Variants in SYT14 observed in about 807,000 individuals in gnomAD.
SYT14 encodes synaptotagmin-14.
SYT14 carries 32 observed loss-of-function variants against 74.2 expected under a neutral mutation model. The ratio of observed to expected loss-of-function variants is 0.43; its 90% CI spans 0.33 to 0.58. SYT14 has a LOEUF of 0.58. Ranked by LOEUF, SYT14 falls within the 20% of genes least tolerant of loss-of-function variation. The pLI is 0.05. For missense variants in SYT14, 791 were observed against 981.8 expected (o/e 0.81, Z 2.60); for synonymous variants, 298 against 337.7 (o/e 0.88, Z 1.29).
chr1:210,054,965 G>A (rs140783279), intron 5 of SYT14, among the ~76,000 whole-genome samples: 2 of 152,130 alleles, frequency 1.3e-5, no homozygotes. Context: ...ACAGTTTGGG[G>A]TGGGAGTGTT....
intron 5 of SYT14, among the ~76,000 whole-genome samples, chr1:210,041,628 A>G (rs2102345876): frequency 6.6e-6 from 1 of 152,294 alleles, no homozygotes; most frequent in South Asian, 2.1e-4. Flanking sequence ...TTATCTAGAA[A>G]GGGGGAATAT....
At chr1:210,052,703 C>T (rs1477671772) in intron 5 of SYT14, among the ~76,000 whole-genome samples, 1 of 106,822 alleles carries the variant, frequency 9.4e-6, no homozygotes, top group Non-Finnish European at 1.9e-5. Context: ...AGCACAGAAA[C>T]AACGGCATTC....
exon 10 of SYT14, chr1:210,171,345 A>G (rs2083525088): frequency 6.6e-6 from 1 of 151,906 alleles, no homozygotes; most frequent in South Asian, 2.1e-4. Flanking sequence ...CCTTAGTTCC[A>G]TAAATTATCC....
At chr1:210,154,727 A>G (rs2083234568) in intron 7 of SYT14, among the ~76,000 whole-genome samples, 2 of 152,174 alleles carry the variant, frequency 1.3e-5, no homozygotes, top group Admixed American at 6.5e-5. Flanking sequence ...AAATATAGAT[A>G]TTTTATTCTC....
At chr1:210,102,800 G>A (rs983501581) in intron 7 of SYT14, among the ~76,000 whole-genome samples, 17 of 151,926 alleles carry the variant, frequency 1.1e-4, no homozygotes, top group African/African-American at 4.1e-4. Flanking sequence ...TCCCACCTCA[G>A]CCTCTCGAAT....
chr1:209,945,573 G>A (rs1218269584), intron 1 of SYT14, among the ~76,000 whole-genome samples: 2 of 152,162 alleles, frequency 1.3e-5, no homozygotes, highest in Non-Finnish European at 2.9e-5. Flanking sequence ...TCATTTAAAG[G>A]CTCTGACTAA....
chr1:210,113,706 G>T (rs1372792871), intron 7 of SYT14, among the ~76,000 whole-genome samples: 6 of 151,072 alleles, frequency 4.0e-5, no homozygotes, highest in Non-Finnish European at 7.4e-5. Flanking sequence ...GCTTTGAACT[G>T]GGGAAAAGGG....
chr1:210,111,841 G>A (rs2082268470), intron 7 of SYT14, among the ~76,000 whole-genome samples: 1 of 151,364 alleles, frequency 6.6e-6, no homozygotes, highest in African/African-American at 2.5e-5. Flanking sequence ...GGAATTACTT[G>A]CTTTGTTGGC....
At chr1:209,952,087 A>G (rs776479914) in intron 1 of SYT14, among the ~76,000 whole-genome samples, 17 of 152,136 alleles carry the variant, frequency 1.1e-4, no homozygotes, top group Non-Finnish European at 2.1e-4. Flanking sequence ...CAATTACATG[A>G]AAGTTTTATA....
At chr1:209,955,212 G>A (rs2078974836) in intron 2 of SYT14, among the ~76,000 whole-genome samples, 1 of 152,070 alleles carries the variant, frequency 6.6e-6, no homozygotes, top group African/African-American at 2.4e-5. Context: ...GGCTGTCTGA[G>A]CTCCCTCATC....
At chr1:210,002,320 C>A (rs1031928142) in intron 2 of SYT14, among the ~76,000 whole-genome samples, 8 of 151,782 alleles carry the variant, frequency 5.3e-5, no homozygotes, top group Admixed American at 2.0e-4. Flanking sequence ...ATATTTTTTT[C>A]TTTAAGTTTT....
At position 210,020,964 on chromosome 1, in the gene SYT14, G is replaced by A. The variant is rs752848171; in HGVS notation, c.1097-75G>A. The A allele has an allele frequency of 2.1e-4, 256 of 1,191,738 alleles. 1 individual carries two copies. Among genetic ancestry groups the A allele is most frequent in the Admixed American group, 7.2e-5 (4 of 55,884 alleles). 73.8% of individuals were successfully genotyped at this position (1,191,738 alleles called of 1,614,324 possible). On this transcript the variant is annotated intron_variant, in intron 4 of 9. Coordinates refer to ENST00000637265, the Ensembl canonical transcript of SYT14. ...TATTGTGTAAAAATTATCATTTGAC[G>A]GGCCCAGTAGGGCCAGGTGAGGGGA...
At chr1:210,094,151 A>G (rs1387178917) in intron 5 of SYT14, among the ~76,000 whole-genome samples, 171 bp from the exon 5 acceptor site, 1 of 152,200 alleles carries the variant, frequency 6.6e-6, no homozygotes, top group Non-Finnish European at 1.5e-5. Context: ...AAACCAGATC[A>G]TTTTATTTGT....
At chr1:210,144,440 C>A (rs1342233234) in intron 7 of SYT14, among the ~76,000 whole-genome samples, 1 of 152,074 alleles carries the variant, frequency 6.6e-6, no homozygotes, top group Non-Finnish European at 1.5e-5. Flanking sequence ...TTACTAAAGT[C>A]ACGGTCCTGT....
intron 2 of SYT14, among the ~76,000 whole-genome samples, chr1:210,001,587 A>G (rs1026868660): frequency 1.3e-5 from 2 of 152,332 alleles, no homozygotes; most frequent in Non-Finnish European, 2.9e-5. Context: ...ATGGGAAGAC[A>G]GATAACAAAT....
At chr1:209,972,253 T>C (rs2079269172) in intron 2 of SYT14, among the ~76,000 whole-genome samples, 1 of 152,038 alleles carries the variant, frequency 6.6e-6, no homozygotes, top group Non-Finnish European at 1.5e-5. Context: ...CTCACTGTTT[T>C]TCTTTTTTAA....
intron 5 of SYT14, among the ~76,000 whole-genome samples, chr1:210,033,195 G>A (rs989120642): frequency 3.3e-5 from 5 of 151,784 alleles, no homozygotes; most frequent in African/African-American, 1.2e-4. Context: ...CTGACTGAAT[G>A]CAAATTTTAT....
chr1:210,142,412 A>C (rs1354335123), intron 7 of SYT14, among the ~76,000 whole-genome samples: 1 of 152,262 alleles, frequency 6.6e-6, no homozygotes, highest in Non-Finnish European at 1.5e-5. Context: ...AATGTTTGCC[A>C]GTGTTCATGT....
intron 7 of SYT14, among the ~76,000 whole-genome samples, chr1:210,102,962 G>C (rs1052193844): frequency 2.6e-5 from 4 of 152,058 alleles, no homozygotes; most frequent in Non-Finnish European, 5.9e-5. Context: ...ACAGGCATGA[G>C]GCACCATGCC....
Sources: allele counts gnomAD v4.1 joint callset (sites outside exome capture counted in the v4.1 genomes callset), GRCh38; gene constraint gnomAD v4.1.1; transcripts MANE v1.5; gene names NCBI Gene and HGNC (gene_info 2026-07-23, HGNC 2026-07-21).